The following RBMS3 variants were observed in gnomAD, a reference collection of about 807,000 sequenced individuals.
The protein encoded by RBMS3 is RNA-binding motif, single-stranded-interacting protein 3.
Under a neutral mutation model 66.8 loss-of-function variants are expected in RBMS3, and 27 were observed. The observed-to-expected ratio is 0.40, with a 90% CI of 0.30 to 0.56. The LOEUF is 0.56. RBMS3 is among the 20% of genes least tolerant of loss of function. The probability of loss-of-function intolerance (pLI) is 0.40; values close to 1 mark genes in which losing one functional copy is unlikely to be tolerated. For synonymous variants in RBMS3, 188 were observed against 183.0 expected (o/e 1.03, Z -0.22); for missense variants, 513 against 549.5 (o/e 0.93, Z 0.66).
At chr3:29,379,658 C>T (rs554815927) in intron 1 of RBMS3, among the ~76,000 whole-genome samples, 2 of 152,164 alleles carry the variant, frequency 1.3e-5, no homozygotes, top group African/African-American at 4.8e-5. Context: ...CCCACCAGGT[C>T]CCTCCCACAA....
intron 2 of RBMS3, among the ~76,000 whole-genome samples, chr3:29,482,697 CTTTCTTTTTTTTTTTTTT>C (rs1199666649): frequency 1.1e-5 from 1 of 92,928 alleles, no homozygotes; most frequent in Non-Finnish European, 2.1e-5. Flanking sequence ...TTCTTTCTTT[CTTTCTTTTTTTTTTTTTT>C]TTTTTTTTTT....
chr3:29,428,573 TAAAAA>T (rs36117390), intron 1 of RBMS3, among the ~76,000 whole-genome samples: 2 of 144,398 alleles, frequency 1.4e-5, no homozygotes, highest in African/African-American at 2.5e-5. Context: ...TGCTTTCTGT[TAAAAA>T]AAAAAAAAAA....
chr3:29,450,900 GATAC>G (rs1340273527), intron 2 of RBMS3, among the ~76,000 whole-genome samples: 120 of 114,358 alleles, frequency 1.0e-3, no homozygotes, highest in African/African-American at 4.2e-3. Flanking sequence ...TCAACACACA[GATAC>G]ACACACACAC....
At chr3:29,673,598 A>G (rs1163969436) in intron 4 of RBMS3, among the ~76,000 whole-genome samples, 2 of 152,180 alleles carry the variant, frequency 1.3e-5, no homozygotes, top group Non-Finnish European at 2.9e-5. Context: ...CAGAAATACA[A>G]ACTACCATCA....
intron 3 of RBMS3, among the ~76,000 whole-genome samples, chr3:29,527,569 C>A (rs2045179703): frequency 6.6e-6 from 1 of 152,186 alleles, no homozygotes; most frequent in Non-Finnish European, 1.5e-5. Flanking sequence ...ATAAATCCAT[C>A]ATCCTGAAGT....
intron 3 of RBMS3, among the ~76,000 whole-genome samples, chr3:29,540,789 C>T (rs78498197): frequency 0.041 from 6,205 of 152,122 alleles, 177 homozygotes; most frequent in African/African-American, 0.08. Context: ...CTATGGGTTT[C>T]GGTTGATGTC....
chr3:29,898,590 G>A (rs561602899), intron 9 of RBMS3, among the ~76,000 whole-genome samples: 16 of 151,630 alleles, frequency 1.1e-4, no homozygotes, highest in South Asian at 1.0e-3. Context: ...AAACATATCC[G>A]TGGGCAAATG....
At chr3:29,803,026 G>C (rs1168944101) in intron 6 of RBMS3, among the ~76,000 whole-genome samples, 1 of 152,108 alleles carries the variant, frequency 6.6e-6, no homozygotes, top group African/African-American at 2.4e-5. Context: ...TTATCTGAAA[G>C]CCCTAGTACT....
chr3:29,729,605 C>T (rs140206014), intron 4 of RBMS3, among the ~76,000 whole-genome samples: 1,577 of 152,210 alleles, frequency 0.01, 32 homozygotes, highest in African/African-American at 0.036. Flanking sequence ...CTCCCACCAA[C>T]GGTGTAAAAG....
chr3:29,928,209 T>TACACAC (rs1390644340), intron 10 of RBMS3, among the ~76,000 whole-genome samples: 192 of 102,898 alleles, frequency 1.9e-3, no homozygotes, highest in African/African-American at 4.2e-3. Flanking sequence ...TATATATATA[T>TACACAC]ATACACACAC....
chr3:29,481,209 T>C (rs1451232519), intron 2 of RBMS3, among the ~76,000 whole-genome samples: 1 of 152,146 alleles, frequency 6.6e-6, no homozygotes, highest in Non-Finnish European at 1.5e-5. Context: ...GGAAGTGTTA[T>C]AAAAGTAGGT....
chr3:29,641,440 GT>G (rs2049707697), intron 4 of RBMS3, among the ~76,000 whole-genome samples: 1 of 151,940 alleles, frequency 6.6e-6, no homozygotes, highest in Non-Finnish European at 1.5e-5. Context: ...GATTTCTAAA[GT>G]TAGAATTGCT....
intron 2 of RBMS3, among the ~76,000 whole-genome samples, chr3:29,480,973 A>C (rs1009688090): frequency 6.6e-6 from 1 of 152,188 alleles, no homozygotes; most frequent in Non-Finnish European, 1.5e-5. Context: ...GCTGAGAGGC[A>C]ACAAGTGTTG....
intron 6 of RBMS3, among the ~76,000 whole-genome samples, chr3:29,826,454 G>C (rs932881176): frequency 6.6e-6 from 1 of 152,006 alleles, no homozygotes; most frequent in Non-Finnish European, 1.5e-5. Flanking sequence ...CTAATTTAAC[G>C]TATAACTCTT....
At chr3:29,435,103 G>A (rs151301605) in intron 2 of RBMS3, 188 bp downstream of exon 2, 4 of 622,700 alleles carry the variant, frequency 6.4e-6, no homozygotes, top group African/African-American at 5.6e-5. Context: ...TTTACTTTTT[G>A]TTGTTGAGTG....
intron 3 of RBMS3, among the ~76,000 whole-genome samples, chr3:29,574,325 T>C (rs1405335798): frequency 6.6e-6 from 1 of 152,164 alleles, no homozygotes; most frequent in Non-Finnish European, 1.5e-5. Context: ...GTTCTTTGTC[T>C]CTCCTTGCAG....
At chr3:29,907,844 A>G (rs2060417819) in intron 10 of RBMS3, among the ~76,000 whole-genome samples, 1 of 152,098 alleles carries the variant, frequency 6.6e-6, no homozygotes, top group Non-Finnish European at 1.5e-5. Flanking sequence ...AGACTATCTT[A>G]GTTTTGGGGA....
chr3:29,623,999 G>A (rs1313784770), intron 4 of RBMS3, among the ~76,000 whole-genome samples: 2 of 152,164 alleles, frequency 1.3e-5, no homozygotes, highest in Non-Finnish European at 2.9e-5. Context: ...CTAGCTATGT[G>A]CTAAAATATA....
At chr3:29,705,127 G>T (rs999433956) in intron 4 of RBMS3, among the ~76,000 whole-genome samples, 1 of 152,168 alleles carries the variant, frequency 6.6e-6, no homozygotes, top group Non-Finnish European at 1.5e-5. Context: ...TGTCCACGGT[G>T]AATAACAATC....
Sources: gnomAD v4.1 joint callset for allele counts (sites outside exome capture counted in the v4.1 genomes callset) on GRCh38, gnomAD v4.1.1 for gene constraint, MANE v1.5 for transcripts, NCBI Gene and HGNC (gene_info 2026-07-23, HGNC 2026-07-21) for gene names.